Variants in ESRRB observed in about 807,000 individuals in gnomAD.
ESRRB encodes the protein steroid hormone receptor ERR2.
Under a neutral mutation model 46.0 loss-of-function variants are expected in ESRRB, and 16 were observed. That is an observed-to-expected ratio of 0.35 (90% CI 0.24 to 0.53). ESRRB has a LOEUF of 0.53. ESRRB is among the 20% of genes least tolerant of loss of function. The pLI, the probability that ESRRB is intolerant of heterozygous loss-of-function variation, is 0.93. For synonymous variants in ESRRB, 246 were observed against 259.6 expected (o/e 0.95, Z 0.50); for missense variants, 488 against 607.4 (o/e 0.80, Z 2.07).
At position 76,500,592 on chromosome 14, in the gene ESRRB, C is replaced by T. The variant is rs913742355; in HGVS notation, c.*2134C>T. On this transcript the variant is annotated 3_prime_UTR_variant, in exon 7 of 7. Coordinates refer to ENST00000644823, the MANE Select transcript of ESRRB (RefSeq NM_001379180.1). ...CTCTCACTGTGCTGTGTCCTTGCAG[C>T]GGGGCCGAGGTAGCACCCTGCTCTG... is the stretch of plus-strand genomic sequence containing the variant. 75 of 1,155,900 alleles carry T rather than the reference C, an allele frequency of 6.5e-5. No homozygotes were observed. The highest frequency in any genetic ancestry group is 2.4e-4 in the African/African-American group (16 of 66,150). The allele number at this position is 1,155,900 out of a possible 1,614,324, so 71.6% of individuals were successfully genotyped here. A position where few individuals can be genotyped will look rare whatever the true frequency, so the allele number is the denominator to read the frequency against.
intron 1 of ESRRB, among the ~76,000 whole-genome samples, chr14:76,389,617 TG>T (rs1885385556): frequency 2.0e-5 from 3 of 152,158 alleles, no homozygotes; most frequent in Non-Finnish European, 2.9e-5. Flanking sequence ...AATGCAGTGT[TG>T]GGGTTAAGAG....
chr14:76,384,114 A>G (rs979332251), intron 1 of ESRRB, among the ~76,000 whole-genome samples: 1 of 152,054 alleles, frequency 6.6e-6, no homozygotes, highest in African/African-American at 2.4e-5. Flanking sequence ...TTTCCTTTTG[A>G]TGGTGAAACA....
chr14:76,434,640 A>C (rs1355970741), intron 1 of ESRRB, among the ~76,000 whole-genome samples: 1 of 150,806 alleles, frequency 6.6e-6, no homozygotes, highest in Non-Finnish European at 1.5e-5. Flanking sequence ...AGCCTGGGCG[A>C]CAGAGCCAGA....
intron 1 of ESRRB, among the ~76,000 whole-genome samples, chr14:76,403,597 T>G (rs2139844748): frequency 6.6e-6 from 1 of 152,176 alleles, no homozygotes; most frequent in African/African-American, 2.4e-5. Flanking sequence ...ATCTGCCTTG[T>G]TGGTGACAGA....
Position 76,376,550 on chromosome 14 carries a change from T to C in ESRRB, c.50+99T>C. On this transcript the variant is annotated intron_variant, in intron 1 of 6. Transcript: ENST00000644823. This position sits in a 1 kb window ranked among gnomAD's most constrained non-coding sequence, Gnocchi z 4.1. The stretch of plus-strand genomic sequence containing the variant: ...TTTTCTGCACATTCTTGTGTAAAAG[T>C]GGAAGGGACTTCGGGGGGGCACTTG... 1.1e-6 allele frequency: 1 copy of C among 911,690 alleles called. No individual in the cohort carries two copies. Among genetic ancestry groups the C allele is most frequent in the East Asian group, 3.3e-5 (1 of 30,166 alleles). The allele number at this position is 911,690 out of a possible 1,614,324, so 56.5% of individuals were successfully genotyped here.
At chr14:76,422,374 C>A (rs1887003299) in intron 1 of ESRRB, among the ~76,000 whole-genome samples, 1 of 152,038 alleles carries the variant, frequency 6.6e-6, no homozygotes, top group African/African-American at 2.4e-5. Flanking sequence ...CCACACCCAG[C>A]TAATTTTTTT....
chr14:76,456,959 C>T (rs1888640538), intron 2 of ESRRB, among the ~76,000 whole-genome samples: 2 of 152,122 alleles, frequency 1.3e-5, no homozygotes, highest in Admixed American at 1.3e-4. Flanking sequence ...TAGAGTGGTA[C>T]CATTTGAGCT....
chr14:76,434,339 C>T (rs537120953), intron 1 of ESRRB, among the ~76,000 whole-genome samples: 1 of 152,264 alleles, frequency 6.6e-6, no homozygotes, highest in South Asian at 2.1e-4. Context: ...GTTCTCTATT[C>T]TGACACTTTA....
Position 76,343,383 on chromosome 14 carries a change from G to A in ESRRB, c.2+32467G>A, listed in dbSNP as rs144565005. Among the ~76,000 whole-genome samples, 11 of 152,342 alleles carry A rather than the reference G, an allele frequency of 7.2e-5. No homozygotes were observed. In the East Asian group the frequency reaches 1.7e-3, roughly 24 times the overall value. On this transcript the variant is annotated intron_variant, in intron 1 of 6. Coordinates refer to the ESRRB transcript ENST00000512784. The stretch of plus-strand genomic sequence containing the variant: ...CTCTGAAGTCAGACTGTTTGGATTC[G>A]AATCCAACAAGTGTAACCACCTCCC...
intron 1 of ESRRB, among the ~76,000 whole-genome samples, chr14:76,416,228 C>G (rs1254313539): frequency 6.6e-6 from 1 of 150,482 alleles, no homozygotes; most frequent in African/African-American, 2.5e-5. Context: ...CTCTTGGCTC[C>G]TGGGATCAAG....
intron 1 of ESRRB, among the ~76,000 whole-genome samples, chr14:76,438,038 C>T (rs149091903): frequency 8.7e-4 from 132 of 152,166 alleles, no homozygotes; most frequent in African/African-American, 2.9e-3. Flanking sequence ...TTAGAATGCT[C>T]CCTCAAGCTT....
intron 1 of ESRRB, among the ~76,000 whole-genome samples, chr14:76,397,339 G>A (rs74068604): frequency 0.046 from 7,012 of 152,148 alleles, 208 homozygotes; most frequent in East Asian, 0.11. Context: ...CACCCAGCAG[G>A]CCAGTCCCCC....
chr14:76,418,358 T>C (rs1886799744), intron 1 of ESRRB, among the ~76,000 whole-genome samples: 1 of 152,236 alleles, frequency 6.6e-6, no homozygotes, highest in African/African-American at 2.4e-5. Context: ...TATCTGGTTT[T>C]CACTTTTGTT....
upstream of ESRRB, among the ~76,000 whole-genome samples, chr14:76,374,209 G>T (rs372485883): frequency 7.2e-5 from 11 of 152,292 alleles, no homozygotes; most frequent in African/African-American, 2.6e-4. Context: ...AGATTCTCTG[G>T]TGAACAAAAA....
intron 1 of ESRRB, among the ~76,000 whole-genome samples, chr14:76,381,152 G>A (rs1456748794): frequency 1.3e-5 from 2 of 152,144 alleles, no homozygotes; most frequent in Non-Finnish European, 2.9e-5. Flanking sequence ...CATGGGTGGG[G>A]TGGGATTATA....
rs1411265745 is a variant in ESRRB at position 76,482,400 on chromosome 14, T to G, written c.689-198T>G. On this transcript the variant is annotated intron_variant, in intron 4 of 6. Transcript: ENST00000644823. The surrounding 1 kb of genome is among the most constrained non-coding windows in gnomAD (Gnocchi z 4.3). ...TGGAGAATTCGTCAGGCAACTTCCC[T>G]TGGAGGGATATTTCTCAACAGCCCA... Among the ~76,000 whole-genome samples the G allele has an allele frequency of 6.6e-6, 1 of 152,116 alleles. No individual in the cohort carries two copies. Among genetic ancestry groups the G allele is most frequent in the Non-Finnish European group, 1.5e-5 (1 of 68,010 alleles).
chr14:76,386,454 ATTTTT>A lies in ESRRB; in HGVS notation c.50+10019_50+10023del, dbSNP rs10573960. ...GATTAATTCTAGGTTCGGTTTTTTA[ATTTTT>A]TTTTTTTTTTTTTTTGCGACAGAGT... On this transcript the variant is annotated intron_variant, in intron 1 of 6. Transcript: ENST00000644823. 1.2e-4 allele frequency among the ~76,000 whole-genome samples: 14 copies of A among 112,848 alleles called. 1 individual carries two copies. The highest frequency in any genetic ancestry group is 7.7e-4 in the Admixed American group (8 of 10,408). 74.0% of individuals were successfully genotyped at this position (112,848 alleles called of 152,430 possible).
chr14:76,340,915 C>T (rs959912434), intron 1 of ESRRB, among the ~76,000 whole-genome samples: 3 of 152,052 alleles, frequency 2.0e-5, no homozygotes, highest in Admixed American at 6.6e-5. Context: ...TGAGTGAGCT[C>T]GATCATTGGT....
chr14:76,490,139 C>A (rs1238499107), intron 5 of ESRRB, among the ~76,000 whole-genome samples: 2 of 152,204 alleles, frequency 1.3e-5, no homozygotes, highest in African/African-American at 4.8e-5. Flanking sequence ...ATGTCAGTTA[C>A]CCATAGTGCA....
Sources: gnomAD v4.1 joint callset for allele counts (sites outside exome capture counted in the v4.1 genomes callset) on GRCh38, gnomAD v4.1.1 for gene constraint, Gnocchi (gnomAD v3.1) non-coding constraint, MANE v1.5 for transcripts, NCBI Gene and HGNC (gene_info 2026-07-23, HGNC 2026-07-21) for gene names.